The following MEF2D variants were observed in gnomAD, a reference collection of about 807,000 sequenced individuals.
MEF2D encodes the protein myocyte-specific enhancer factor 2D.
A neutral mutation model predicts 59.3 loss-of-function variants in MEF2D; 10 were observed. The ratio of observed to expected loss-of-function variants is 0.17; its 90% CI spans 0.10 to 0.29. The LOEUF (loss-of-function observed/expected upper bound fraction) is 0.29, where lower values mean the gene tolerates loss of function less well. MEF2D is among the 10% of genes least tolerant of loss of function. MEF2D has a pLI of 1.00. For synonymous variants in MEF2D, 305 were observed against 295.0 expected (o/e 1.03, Z -0.35); for missense variants, 508 against 699.4 (o/e 0.73, Z 3.09).
chr1:156,468,065 C>A lies in MEF2D; in HGVS notation c.1482G>T (p.Leu494=), dbSNP rs556346517. 3.4e-5 allele frequency: 55 copies of A among 1,614,098 alleles called. No homozygotes were observed. The South Asian group carries it at 5.4e-4, about 16-fold the overall frequency. ...GCTCTGGGGCTGGGCGCAGCAGGCC[C>A]AGTGTGGGCCCGAAGTCCCCCCGTC... The part of the protein sequence containing the change: ...DDGRGDFGPT[L]GLLRPAPEPE... Residue 494 remains leucine (L), a synonymous_variant, in exon 11 of 12, where the codon CTG becomes CTT. Coordinates refer to ENST00000348159, the MANE Select transcript of MEF2D (RefSeq NM_005920.4). This position sits in a 1 kb window ranked among gnomAD's most constrained non-coding sequence, Gnocchi z 4.3.
chr1:156,463,959 G>C lies in MEF2D; in HGVS notation c.*3686C>G, dbSNP rs1235521850. Reference sequence around the variant, plus strand: ...ACCCAGGAAGAGCCCCAGGAGTGTGGGTGATTGTCAGGTGTGGGGGTGGGG... The same window carrying C: ...ACCCAGGAAGAGCCCCAGGAGTGTGCGTGATTGTCAGGTGTGGGGGTGGGG... On this transcript the variant is annotated 3_prime_UTR_variant, in exon 12 of 12. Coordinates refer to ENST00000348159, the MANE Select transcript of MEF2D (RefSeq NM_005920.4). 1 of 152,634 alleles carries C rather than the reference G, an allele frequency of 6.6e-6. No individual in the cohort carries two copies. The highest frequency in any genetic ancestry group is 2.4e-5 in the African/African-American group (1 of 41,422). 9.5% of individuals were successfully genotyped at this position (152,634 alleles called of 1,614,324 possible). A position where few individuals can be genotyped will look rare whatever the true frequency, so the allele number is the denominator to read the frequency against.
intron 1 of MEF2D, among the ~76,000 whole-genome samples, chr1:156,484,736 C>T (rs1672237502): frequency 6.6e-6 from 1 of 152,180 alleles, no homozygotes; most frequent in South Asian, 2.1e-4. Context: ...AGAAACAGCC[C>T]CTGCACTGAA....
chr1:156,486,057 A>T (rs2102180172), intron 1 of MEF2D, among the ~76,000 whole-genome samples: 1 of 152,080 alleles, frequency 6.6e-6, no homozygotes, highest in African/African-American at 2.4e-5. Context: ...ACCATGTTGG[A>T]CAGGTTGGTC....
intron 2 of MEF2D, 77 bp downstream of exon 2, chr1:156,483,162 G>T: frequency 6.9e-7 from 1 of 1,453,998 alleles, no homozygotes; most frequent in Non-Finnish European, 9.7e-7. Context: ...AAGCCCTCTT[G>T]GAATGCCTGA....
At chr1:156,486,891 C>T (rs1672407049) in intron 1 of MEF2D, among the ~76,000 whole-genome samples, 1 of 152,180 alleles carries the variant, frequency 6.6e-6, no homozygotes, top group Non-Finnish European at 1.5e-5. Flanking sequence ...TGCAGTCTAA[C>T]CTCCAACAGT....
At position 156,474,269 on chromosome 1, in the gene MEF2D, C is replaced by A. The variant is rs575418959; in HGVS notation, c.1006+839G>T. Among the ~76,000 whole-genome samples the A allele has an allele frequency of 1.5e-3, 230 of 152,246 alleles. 1 individual carries two copies. The Middle Eastern group carries it at 0.024, about 16-fold the overall frequency. ...TTTGAGACCAGCCCAGGCAACATGGCAAAAACCTATCTCTACTAAAGATAC... is the reference window on the plus strand; with the variant it reads ...TTTGAGACCAGCCCAGGCAACATGGAAAAAACCTATCTCTACTAAAGATAC... On this transcript the variant is annotated intron_variant, in intron 9 of 11. Transcript: ENST00000348159.
chr1:156,492,106 A>C (rs1672838374), intron 1 of MEF2D, among the ~76,000 whole-genome samples: 1 of 152,244 alleles, frequency 6.6e-6, no homozygotes, highest in South Asian at 2.1e-4. Flanking sequence ...TCACAGGGTG[A>C]AGTGTGGCTC....
At chr1:156,479,419 G>A in intron 5 of MEF2D, 73 bp from the exon 6 acceptor site, 2 of 1,545,966 alleles carry the variant, frequency 1.3e-6, no homozygotes, top group Non-Finnish European at 1.8e-6. Flanking sequence ...GACTGAACAT[G>A]AAGAGGGGAC....
intron 1 of MEF2D, chr1:156,490,712 C>G (rs1047847537): frequency 6.6e-6 from 1 of 152,258 alleles, no homozygotes; most frequent in Admixed American, 6.5e-5. Flanking sequence ...AGCCCTCCCC[C>G]TAGCTTCCGC....
rs193000185 is a variant in MEF2D, at chr1:156,484,239, G to A, written c.-138-809C>T. ...CCTAAGATTTTTGTTTGAGGAAAGA[G>A]TTGTGCTGCTTAAAACAATGAAACC... On this transcript the variant is annotated intron_variant, in intron 1 of 11. Transcript: ENST00000348159. The A allele has an allele frequency of 4.6e-5, 7 of 152,342 alleles. 1 individual carries two copies. The highest frequency in any genetic ancestry group is 3.9e-4 in the East Asian group (2 of 5,194). 9.4% of individuals were successfully genotyped at this position (152,342 alleles called of 1,614,324 possible).
At chr1:156,484,437 A>C (rs1327816525) in intron 1 of MEF2D, among the ~76,000 whole-genome samples, 1 of 152,210 alleles carries the variant, frequency 6.6e-6, no homozygotes. Flanking sequence ...ATACAACTAT[A>C]TTTACAAAAA....
At chr1:156,475,513 G>A (rs1179951858) in intron 8 of MEF2D, among the ~76,000 whole-genome samples, 1 of 152,170 alleles carries the variant, frequency 6.6e-6, no homozygotes, top group South Asian at 2.1e-4. Context: ...ACCAACACTC[G>A]CCCAGCCTCC....
chr1:156,467,779 G>A, intron 11 of MEF2D, 123 bp from the exon 12 acceptor site: 1 of 1,128,964 alleles, frequency 8.9e-7, no homozygotes. Flanking sequence ...GTGAGGGGAA[G>A]AAGTCATCGA....
At chr1:156,486,237 C>G (rs1338539131) in intron 1 of MEF2D, among the ~76,000 whole-genome samples, 1 of 152,096 alleles carries the variant, frequency 6.6e-6, no homozygotes, top group African/African-American at 2.4e-5. Context: ...CACCTGTGAC[C>G]CCAGTGTCTG....
chr1:156,498,966 G>A (rs1673309999), intron 1 of MEF2D, among the ~76,000 whole-genome samples: 3 of 152,200 alleles, frequency 2.0e-5, no homozygotes, highest in Non-Finnish European at 2.9e-5. Context: ...GTCCTGGGGC[G>A]GGTGTGACCC....
chr1:156,467,680 G>A (rs1670938184), intron 11 of MEF2D, 24 bp from the exon 12 acceptor site: 1 of 1,345,018 alleles, frequency 7.4e-7, no homozygotes, highest in Non-Finnish European at 9.6e-7. Flanking sequence ...AGATGGAGAA[G>A]GGGGTGTGAG....
intron 1 of MEF2D, among the ~76,000 whole-genome samples, chr1:156,491,860 C>T (rs576919366): frequency 2.2e-4 from 33 of 152,346 alleles, no homozygotes; most frequent in Admixed American, 5.9e-4. Context: ...CCTGGGTCAC[C>T]CCCACCCAGG....
chr1:156,476,506 G>C lies in MEF2D; in HGVS notation c.864C>G (p.Asp288Glu), dbSNP rs772249014. The change falls in exon 8 of 12, where the codon GAC becomes GAG. Residue 288 changes from aspartate (D) to glutamate (E), a missense_variant. Coordinates refer to ENST00000348159, the MANE Select transcript of MEF2D (RefSeq NM_005920.4). ...CAGCCTCACTTACCAGATCTAAATGGTCCTCAGTCTGAGAGCAGAAATAAA... is the reference window on the plus strand; with the variant it reads ...CAGCCTCACTTACCAGATCTAAATGCTCCTCAGTCTGAGAGCAGAAATAAA... ...GKGLMHHLTE[D>E]HLDLNNAQRL... The C allele has an allele frequency of 2.5e-6, 4 of 1,611,920 alleles. No individual in the cohort carries two copies. Among genetic ancestry groups the C allele is most frequent in the Non-Finnish European group, 3.4e-6 (4 of 1,179,112 alleles).
Position 156,467,574 on chromosome 1 carries a change from G to A in MEF2D, c.*71C>T, listed in dbSNP as rs1670930941. The A allele has an allele frequency of 7.9e-7, 1 of 1,260,088 alleles. No homozygotes were observed. Among genetic ancestry groups the A allele is most frequent in the South Asian group, 3.2e-5 (1 of 30,878 alleles). 78.1% of individuals were successfully genotyped at this position (1,260,088 alleles called of 1,614,324 possible). ...TGGGGGTCGAGCGGGAGGAGCCCGG[G>A]GCAGGGAAGGGCGGGCGGTGAGATT... is the stretch of plus-strand genomic sequence containing the variant. On this transcript the variant is annotated 3_prime_UTR_variant, in exon 12 of 12. Coordinates refer to ENST00000348159, the MANE Select transcript of MEF2D (RefSeq NM_005920.4).
Sources: gnomAD v4.1 joint callset for allele counts (sites outside exome capture counted in the v4.1 genomes callset) on GRCh38, gnomAD v4.1.1 for gene constraint, Gnocchi (gnomAD v3.1) non-coding constraint, MANE v1.5 for transcripts, NCBI Gene and HGNC (gene_info 2026-07-23, HGNC 2026-07-21) for gene names.